FBXL17: variants seen among roughly 807,000 people sequenced by gnomAD.
FBXL17 encodes F-box and leucine rich repeat protein 17, also known as F-box/LRR-repeat protein 17.
Under a neutral mutation model 66.2 loss-of-function variants are expected in FBXL17, and 22 were observed. The observed-to-expected ratio is 0.33, with a 90% CI of 0.24 to 0.47. FBXL17 has a LOEUF of 0.47. Ranked by LOEUF, FBXL17 falls within the 20% of genes least tolerant of loss-of-function variation. The pLI, the probability that FBXL17 is intolerant of heterozygous loss-of-function variation, is 1.00. For synonymous variants in FBXL17, 474 were observed against 400.5 expected, an observed-to-expected ratio of 1.18 and a Z score of -2.19; for missense variants, 878 against 948.2, an observed-to-expected ratio of 0.93 and a Z score of 0.97.
intron 6 of FBXL17, among the ~76,000 whole-genome samples, chr5:108,160,897 G>T (rs1367070957): frequency 6.6e-6 from 1 of 152,052 alleles, no homozygotes; most frequent in Admixed American, 6.6e-5. Flanking sequence ...CAACCCAGAG[G>T]ATTTATGGCT....
At chr5:107,864,199 A>T (rs1361959614) in intron 8 of FBXL17, among the ~76,000 whole-genome samples, 2 of 152,208 alleles carry the variant, frequency 1.3e-5, no homozygotes, top group Non-Finnish European at 2.9e-5. Context: ...CTATTGAAGG[A>T]GACACTCAGT....
At chr5:108,073,723 T>G (rs1748430123) in intron 6 of FBXL17, among the ~76,000 whole-genome samples, 1 of 152,074 alleles carries the variant, frequency 6.6e-6, no homozygotes, top group African/African-American at 2.4e-5. Flanking sequence ...TATAAATAAA[T>G]AAGCAAGAGT....
intron 7 of FBXL17, among the ~76,000 whole-genome samples, chr5:107,994,681 T>C (rs1398869816): frequency 6.6e-6 from 1 of 151,630 alleles, no homozygotes; most frequent in East Asian, 1.9e-4. Flanking sequence ...CTACCAAAAA[T>C]ACAAAACTTA....
intron 3 of FBXL17, among the ~76,000 whole-genome samples, chr5:108,361,385 T>C (rs1431969312): frequency 6.6e-6 from 1 of 152,128 alleles, no homozygotes; most frequent in Non-Finnish European, 1.5e-5. Flanking sequence ...ACTGGCTCTG[T>C]GCTGGGATAT....
intron 7 of FBXL17, among the ~76,000 whole-genome samples, chr5:107,939,045 C>T (rs573088398): frequency 5.9e-5 from 9 of 152,200 alleles, no homozygotes; most frequent in Non-Finnish European, 1.2e-4. Flanking sequence ...TTTAGCGCAT[C>T]GTCCAAACCA....
chr5:108,108,445 T>C (rs906330846), intron 6 of FBXL17, among the ~76,000 whole-genome samples: 1 of 152,216 alleles, frequency 6.6e-6, no homozygotes, highest in Non-Finnish European at 1.5e-5. Flanking sequence ...TCTTTAGATA[T>C]AGGAGTCAAT....
At chr5:107,929,448 A>G (rs1466023342) in intron 7 of FBXL17, among the ~76,000 whole-genome samples, 1 of 152,190 alleles carries the variant, frequency 6.6e-6, no homozygotes, top group African/African-American at 2.4e-5. Flanking sequence ...TATTATAAAA[A>G]CAGTGTTTAG....
chr5:107,995,269 T>C (rs958067755), intron 7 of FBXL17, among the ~76,000 whole-genome samples: 2 of 152,218 alleles, frequency 1.3e-5, no homozygotes, highest in African/African-American at 4.8e-5. Context: ...ACATATAAAA[T>C]ACAGAAATGA....
chr5:107,872,865 C>T (rs1021517609), intron 8 of FBXL17, among the ~76,000 whole-genome samples: 12 of 152,178 alleles, frequency 7.9e-5, no homozygotes, highest in Admixed American at 7.9e-4. Context: ...ATGGCGAATG[C>T]AGAGATAGCA....
chr5:108,358,291 T>A (rs1748124728), intron 3 of FBXL17, among the ~76,000 whole-genome samples: 1 of 152,160 alleles, frequency 6.6e-6, no homozygotes, highest in Admixed American at 6.6e-5. Context: ...CTTTTATCAC[T>A]GAATATGTCA....
chr5:108,237,022 A>T (rs989636497), intron 4 of FBXL17, among the ~76,000 whole-genome samples: 2 of 152,028 alleles, frequency 1.3e-5, no homozygotes, highest in Non-Finnish European at 2.9e-5. Context: ...AGTAGGTGGT[A>T]AAAAAAGACA....
intron 7 of FBXL17, among the ~76,000 whole-genome samples, chr5:107,924,439 C>T (rs1371467552): frequency 6.6e-6 from 1 of 152,054 alleles, no homozygotes; most frequent in Non-Finnish European, 1.5e-5. Flanking sequence ...TAGGCATTTG[C>T]ATAGAACTTC....
chr5:108,377,748 G>A (rs1019408324), intron 1 of FBXL17, among the ~76,000 whole-genome samples: 2 of 152,128 alleles, frequency 1.3e-5, no homozygotes, highest in African/African-American at 4.8e-5. Flanking sequence ...CATTTCTTGC[G>A]GATATTTTTA....
At chr5:108,298,056 A>G (rs1758420548) in intron 4 of FBXL17, 3 of 984,072 alleles carry the variant, frequency 3.0e-6, no homozygotes, top group Non-Finnish European at 3.6e-6. Flanking sequence ...TGATAAAGCA[A>G]TTACTCCTGA....
chr5:108,332,373 T>C (rs73216312), intron 4 of FBXL17, among the ~76,000 whole-genome samples: 3,401 of 152,286 alleles, frequency 0.022, 129 homozygotes, highest in African/African-American at 0.077. Context: ...AAAAATAATT[T>C]ATATTTACTT....
rs1224456131 is a variant in FBXL17, at chr5:108,381,620, G to A, written c.72C>T (p.Cys24=). 4 of 1,490,618 alleles carry A rather than the reference G, an allele frequency of 2.7e-6. No individual in the cohort carries two copies. The highest frequency in any genetic ancestry group is 1.3e-5 in the South Asian group (1 of 79,994). The allele number at this position is 1,490,618 out of a possible 1,614,324, so 92.3% of individuals were successfully genotyped here. ...SQKRPRCCSW[C]RRRRPLLRLP... ...GCCTGAGGAGAGGGCGCCGGCGGCG[G>A]CACCAACTGCAACAGCGAGGCCTCT... The change falls in exon 1 of 9, where the codon TGC becomes TGT. Residue 24 remains cysteine (C), a synonymous_variant. Transcript: ENST00000542267.
chr5:108,370,674 C>T (rs987100295), intron 1 of FBXL17, among the ~76,000 whole-genome samples: 3 of 151,248 alleles, frequency 2.0e-5, no homozygotes, highest in East Asian at 1.9e-4. Context: ...ACCTGGAAGG[C>T]GAAGGTTGCA....
chr5:108,011,484 T>G (rs1754167275), intron 7 of FBXL17, among the ~76,000 whole-genome samples: 1 of 152,096 alleles, frequency 6.6e-6, no homozygotes, highest in East Asian at 1.9e-4. Flanking sequence ...TCAGAGAACA[T>G]TCTTGGAGAG....
At chr5:108,014,113 CTG>C (rs1044101645) in intron 7 of FBXL17, among the ~76,000 whole-genome samples, 1 of 152,020 alleles carries the variant, frequency 6.6e-6, no homozygotes, top group African/African-American at 2.4e-5. Flanking sequence ...GATAGGAACT[CTG>C]TGAAAAATGA....
Sources: allele counts gnomAD v4.1 joint callset (sites outside exome capture counted in the v4.1 genomes callset), GRCh38; gene constraint gnomAD v4.1.1; transcripts MANE v1.5; gene names NCBI Gene and HGNC (gene_info 2026-07-23, HGNC 2026-07-21).